Variants in SORCS2 observed in about 807,000 individuals in gnomAD.
The protein encoded by SORCS2 is VPS10 domain-containing receptor SorCS2.
In SORCS2, 100 loss-of-function variants were observed where a neutral mutation model predicts 141.6. That is an observed-to-expected ratio of 0.71 (90% CI 0.60 to 0.83). The LOEUF (loss-of-function observed/expected upper bound fraction) is 0.83, where lower values mean the gene tolerates loss of function less well. SORCS2 is among the 40% of genes least tolerant of loss of function. SORCS2 has a pLI of 0.00. For missense variants in SORCS2, 1,646 were observed against 1,560.2 expected (o/e 1.05, Z -0.93); for synonymous variants, 789 against 676.9 (o/e 1.17, Z -2.57).
At chr4:7,686,200 C>T (rs1233249769) in intron 10 of SORCS2, among the ~76,000 whole-genome samples, 1 of 152,296 alleles carries the variant, frequency 6.6e-6, no homozygotes, top group African/African-American at 2.4e-5. Flanking sequence ...GTGGTGTGAT[C>T]AGATCTGTTT....
chr4:7,417,132 C>T (rs1244537351), intron 2 of SORCS2, among the ~76,000 whole-genome samples: 2 of 152,168 alleles, frequency 1.3e-5, no homozygotes, highest in Non-Finnish European at 2.9e-5. Flanking sequence ...TAGTAAACCT[C>T]GCTTGAGTGT....
intron 3 of SORCS2, among the ~76,000 whole-genome samples, chr4:7,593,202 GAA>G (rs1035388794): frequency 3.9e-5 from 6 of 152,272 alleles, no homozygotes; most frequent in African/African-American, 1.4e-4. Flanking sequence ...GGGTCAGGTA[GAA>G]GTGCAAGGCT....
intron 3 of SORCS2, among the ~76,000 whole-genome samples, chr4:7,631,047 C>CT (rs11356756): frequency 0.025 from 3,260 of 131,370 alleles, 74 homozygotes; most frequent in Middle Eastern, 0.039. Context: ...TTTTCCTTTT[C>CT]TTTTTTTTTT....
intron 1 of SORCS2, among the ~76,000 whole-genome samples, chr4:7,225,369 G>A (rs1330601496): frequency 6.6e-6 from 1 of 152,240 alleles, no homozygotes; most frequent in Non-Finnish European, 1.5e-5. Flanking sequence ...GCTCAGAGCA[G>A]ACCGGAATCG....
chr4:7,433,470 G>A (rs762344889), intron 2 of SORCS2: 42 of 1,571,398 alleles, frequency 2.7e-5, no homozygotes, highest in Admixed American at 2.2e-4. Flanking sequence ...TCCTGGGGCC[G>A]TGGCAGGCCC....
At chr4:7,232,089 C>T (rs918436025) in intron 1 of SORCS2, among the ~76,000 whole-genome samples, 44 of 152,274 alleles carry the variant, frequency 2.9e-4, no homozygotes, top group African/African-American at 8.4e-4. Context: ...ATGGCTTCTG[C>T]GGAGGGTGGT....
intron 2 of SORCS2, among the ~76,000 whole-genome samples, chr4:7,480,217 G>A (rs62277647): frequency 0.12 from 18,913 of 152,264 alleles, 1,570 homozygotes; most frequent in African/African-American, 0.24. Flanking sequence ...GTGACCAGGT[G>A]TTGAGCCCGA....
chr4:7,417,513 T>C (rs6837406), intron 2 of SORCS2, among the ~76,000 whole-genome samples: 64,766 of 152,040 alleles, frequency 0.43, 14,026 homozygotes, highest in Middle Eastern at 0.57. Flanking sequence ...TCTGGAAGTC[T>C]CAGCTCTGCC....
At chr4:7,463,268 G>T (rs17816553) in intron 2 of SORCS2, among the ~76,000 whole-genome samples, 28,620 of 152,130 alleles carry the variant, frequency 0.19, 2,829 homozygotes, top group African/African-American at 0.24. Context: ...TTGCTGCACA[G>T]CCCGTTACTC....
chr4:7,608,211 C>G (rs1002826405), intron 3 of SORCS2, among the ~76,000 whole-genome samples: 1 of 152,132 alleles, frequency 6.6e-6, no homozygotes, highest in Non-Finnish European at 1.5e-5. Context: ...TGCTCCCTGG[C>G]AGAGCTGCCA....
rs1230690426 is a variant in SORCS2 at position 7,357,808 on chromosome 4, C to T, written c.481-38480C>T. On this transcript the variant is annotated intron_variant, in intron 1 of 26. Coordinates refer to ENST00000507866, the MANE Select transcript of SORCS2 (RefSeq NM_020777.3). The stretch of plus-strand genomic sequence containing the variant: ...TTCTCATTTCAATCCCTGAGGGCCT[C>T]GGGCCTTCTCCCCATCCTGCCTTGT... Among the ~76,000 whole-genome samples the T allele has an allele frequency of 9.2e-5, 14 of 152,254 alleles. No homozygotes were observed. The East Asian group carries it at 2.3e-3, about 25-fold the overall frequency.
chr4:7,325,051 T>C (rs937882039), intron 1 of SORCS2, among the ~76,000 whole-genome samples: 2 of 152,162 alleles, frequency 1.3e-5, no homozygotes, highest in African/African-American at 4.8e-5. Flanking sequence ...GACCTTGGGC[T>C]GCAGACGAGG....
chr4:7,433,405 C>G lies in SORCS2; in HGVS notation c.548+37050C>G, dbSNP rs764586181. ...GTTGCACAGCTTGGCGGCCTCCTGGCTCCTGCACCAGAAGCTTGGGCCCAG... is the reference window on the plus strand; with the variant it reads ...GTTGCACAGCTTGGCGGCCTCCTGGGTCCTGCACCAGAAGCTTGGGCCCAG... On this transcript the variant is annotated intron_variant, in intron 2 of 26. Transcript: ENST00000507866. 3.3e-6 allele frequency: 5 copies of G among 1,507,272 alleles called. No individual in the cohort carries two copies. In the South Asian group the frequency reaches 4.1e-5, roughly 12 times the overall value. 93.4% of individuals were successfully genotyped at this position (1,507,272 alleles called of 1,614,324 possible). A position where few individuals can be genotyped will look rare whatever the true frequency, so the allele number is the denominator to read the frequency against.
At chr4:7,219,567 G>A (rs531784395) in intron 1 of SORCS2, among the ~76,000 whole-genome samples, 6 of 152,352 alleles carry the variant, frequency 3.9e-5, no homozygotes, top group African/African-American at 1.2e-4. Context: ...GGGGAAGCAA[G>A]GCGACTTCTT....
intron 3 of SORCS2, among the ~76,000 whole-genome samples, chr4:7,593,511 C>T (rs1217008784): frequency 6.6e-6 from 1 of 152,192 alleles, no homozygotes; most frequent in Non-Finnish European, 1.5e-5. Context: ...GCTCCCCTTC[C>T]AAGGCCCTTC....
intron 1 of SORCS2, among the ~76,000 whole-genome samples, chr4:7,200,707 G>A (rs946819020): frequency 1.3e-5 from 2 of 152,142 alleles, no homozygotes; most frequent in African/African-American, 4.8e-5. Context: ...GGTCTCACCC[G>A]TGCCTGCTGT....
chr4:7,409,920 T>C (rs753039745), intron 2 of SORCS2, among the ~76,000 whole-genome samples: 8 of 152,230 alleles, frequency 5.3e-5, no homozygotes, highest in Non-Finnish European at 1.2e-4. Context: ...TCCTTGTTTT[T>C]TTCTGTCTTT....
At chr4:7,354,411 C>T (rs1268825367) in intron 1 of SORCS2, among the ~76,000 whole-genome samples, 1 of 152,018 alleles carries the variant, frequency 6.6e-6, no homozygotes, top group Admixed American at 6.5e-5. Flanking sequence ...AGACCCCCCA[C>T]CACCAAATAC....
intron 1 of SORCS2, among the ~76,000 whole-genome samples, chr4:7,225,753 T>A (rs1468740043): frequency 6.6e-6 from 1 of 152,130 alleles, no homozygotes; most frequent in African/African-American, 2.4e-5. Context: ...CCTCTTGTGC[T>A]CTCGGGGCCC....
Sources: gnomAD v4.1 joint callset for allele counts (sites outside exome capture counted in the v4.1 genomes callset) on GRCh38, gnomAD v4.1.1 for gene constraint, MANE v1.5 for transcripts, NCBI Gene and HGNC (gene_info 2026-07-23, HGNC 2026-07-21) for gene names.